FGD4: variants seen among roughly 807,000 people sequenced by gnomAD.
FGD4 encodes the protein FYVE, RhoGEF and PH domain-containing protein 4.
FGD4 carries 42 observed loss-of-function variants against 102.0 expected under a neutral mutation model. The observed-to-expected ratio is 0.41, with a 90% CI of 0.32 to 0.53. FGD4 has a LOEUF of 0.53. FGD4 is among the 20% of genes least tolerant of loss of function. The probability of loss-of-function intolerance (pLI) is 0.21; values close to 1 mark genes in which losing one functional copy is unlikely to be tolerated. For missense variants in FGD4, 902 were observed against 1,078.2 expected, an observed-to-expected ratio of 0.84 and a Z score of 2.29; for synonymous variants, 380 against 375.7, an observed-to-expected ratio of 1.01 and a Z score of -0.13.
At chr12:32,439,383 A>G (rs959532738) in intron 1 of FGD4, among the ~76,000 whole-genome samples, 4 of 152,218 alleles carry the variant, frequency 2.6e-5, no homozygotes, top group Non-Finnish European at 5.9e-5. Context: ...GGTTGATTCC[A>G]TATCTTGGCT....
chr12:32,530,465 A>G (rs1185030729), intron 1 of FGD4, among the ~76,000 whole-genome samples: 1 of 152,216 alleles, frequency 6.6e-6, no homozygotes, highest in Non-Finnish European at 1.5e-5. Context: ...CCTGGGTGAC[A>G]GAGACTCCAT....
intron 1 of FGD4, among the ~76,000 whole-genome samples, chr12:32,416,452 G>C (rs1941416213): frequency 6.6e-6 from 1 of 152,052 alleles, no homozygotes; most frequent in South Asian, 2.1e-4. Flanking sequence ...TTTTAGTGAA[G>C]ATGATTTTCT....
At chr12:32,453,232 TATA>T (rs1565749210) in intron 1 of FGD4, among the ~76,000 whole-genome samples, 39 of 57,714 alleles carry the variant, frequency 6.8e-4, no homozygotes, top group South Asian at 1.2e-3. Flanking sequence ...TATAGATATA[TATA>T]TATTTTTTTT....
intron 1 of FGD4, among the ~76,000 whole-genome samples, chr12:32,443,228 G>C (rs1942502374): frequency 6.6e-6 from 1 of 152,176 alleles, no homozygotes; most frequent in Non-Finnish European, 1.5e-5. Context: ...AGTTATGTCT[G>C]ACAATCTGAC....
chr12:32,480,384 G>T (rs903685509), intron 1 of FGD4, among the ~76,000 whole-genome samples: 1 of 151,724 alleles, frequency 6.6e-6, no homozygotes, highest in Non-Finnish European at 1.5e-5. Flanking sequence ...GGATGGTCTC[G>T]ATCTCTTGTC....
At chr12:32,569,880 T>A (rs981757356) in intron 2 of FGD4, among the ~76,000 whole-genome samples, 1 of 152,318 alleles carries the variant, frequency 6.6e-6, no homozygotes, top group East Asian at 1.9e-4. Context: ...TATAAATTTA[T>A]ACTGTCATCA....
intron 12 of FGD4, chr12:32,624,654 CGTAGAGACGAG>C: frequency 1.5e-6 from 1 of 679,054 alleles, no homozygotes; most frequent in South Asian, 1.5e-5. Context: ...TTTTGTATTT[CGTAGAGACGAG>C]GTTTTGCCAT....
intron 1 of FGD4, among the ~76,000 whole-genome samples, chr12:32,457,830 G>A (rs1303334410): frequency 6.6e-6 from 1 of 152,160 alleles, no homozygotes; most frequent in Non-Finnish European, 1.5e-5. Context: ...CCCTAGGGCT[G>A]AAAGGGACCT....
intron 1 of FGD4, 112 bp downstream of exon 1, chr12:32,400,071 G>A: frequency 5.9e-6 from 8 of 1,355,324 alleles, no homozygotes; most frequent in Non-Finnish European, 7.6e-6. Flanking sequence ...GGAGGTAACT[G>A]GTTCGGGAGG....
chr12:32,624,921 C>A, intron 12 of FGD4, 55 bp from the exon 13 acceptor site: 1 of 1,395,078 alleles, frequency 7.2e-7, no homozygotes, highest in Non-Finnish European at 1.0e-6. Flanking sequence ...AAAGTATATT[C>A]ATTGGTTTAT....
At chr12:32,573,147 G>C (rs1030319160) in intron 2 of FGD4, among the ~76,000 whole-genome samples, 10 of 152,148 alleles carry the variant, frequency 6.6e-5, no homozygotes, top group South Asian at 6.2e-4. Flanking sequence ...ACAGGCTGGA[G>C]TGCAGTGGCG....
At chr12:32,550,846 TG>T in intron 1 of FGD4, among the ~76,000 whole-genome samples, 1 of 152,182 alleles carries the variant, frequency 6.6e-6, no homozygotes, top group Non-Finnish European at 1.5e-5. Flanking sequence ...TTTACAAGAA[TG>T]TAAAATATTG....
At chr12:32,539,913 C>T (rs1338449667) in intron 1 of FGD4, among the ~76,000 whole-genome samples, 1 of 151,850 alleles carries the variant, frequency 6.6e-6, no homozygotes, top group East Asian at 1.9e-4. Flanking sequence ...ATGTGTAAGC[C>T]CCTTAATGTC....
At chr12:32,443,957 A>G (rs1009303354) in intron 1 of FGD4, among the ~76,000 whole-genome samples, 12 of 151,660 alleles carry the variant, frequency 7.9e-5, no homozygotes, top group African/African-American at 2.4e-4. Context: ...AAACAATTCT[A>G]TGGAGATGTA....
intron 1 of FGD4, among the ~76,000 whole-genome samples, chr12:32,424,177 G>A (rs1052715297): frequency 5.9e-5 from 9 of 152,008 alleles, no homozygotes; most frequent in Non-Finnish European, 1.0e-4. Flanking sequence ...CCATCAACCC[G>A]TCATCTACAT....
chr12:32,416,696 TTA>T (rs1357888072), intron 1 of FGD4, among the ~76,000 whole-genome samples: 1 of 152,184 alleles, frequency 6.6e-6, no homozygotes, highest in African/African-American at 2.4e-5. Flanking sequence ...TTGTTTCTTT[TTA>T]TGTCTTATTG....
At chr12:32,445,856 T>G (rs1369532723) in intron 1 of FGD4, among the ~76,000 whole-genome samples, 1 of 152,158 alleles carries the variant, frequency 6.6e-6, no homozygotes, top group Non-Finnish European at 1.5e-5. Flanking sequence ...AATTCCTTCA[T>G]TTGTAGCTAA....
intron 1 of FGD4, among the ~76,000 whole-genome samples, chr12:32,530,819 T>G (rs1344020121): frequency 6.6e-6 from 1 of 152,092 alleles, no homozygotes; most frequent in East Asian, 1.9e-4. Flanking sequence ...AAGTTTTTTG[T>G]AAATCACAGA....
intron 1 of FGD4, chr12:32,511,795 A>G (rs561273461): frequency 1.3e-5 from 2 of 152,258 alleles, no homozygotes; most frequent in Non-Finnish European, 2.9e-5. Context: ...TTTTAAGTAA[A>G]GCAATATTAA....
Sources: allele counts gnomAD v4.1 joint callset (sites outside exome capture counted in the v4.1 genomes callset), GRCh38; gene constraint gnomAD v4.1.1; transcripts MANE v1.5; gene names NCBI Gene and HGNC (gene_info 2026-07-23, HGNC 2026-07-21).